AGBL1: variants seen among roughly 807,000 people sequenced by gnomAD.
AGBL1 encodes the protein AGBL carboxypeptidase 1, also known as cytosolic carboxypeptidase 4.
In AGBL1, 130 loss-of-function variants were observed where a neutral mutation model predicts 118.9. The observed-to-expected ratio is 1.09, with a 90% CI of 0.95 to 1.26. The LOEUF is 1.26. AGBL1 is among the 50% of genes most tolerant of loss of function. The probability of loss-of-function intolerance (pLI) is 0.00; values close to 1 mark genes in which losing one functional copy is unlikely to be tolerated. For synonymous variants in AGBL1, 555 were observed against 478.9 expected, an observed-to-expected ratio of 1.16 and a Z score of -2.08; for missense variants, 1,584 against 1,298.1, an observed-to-expected ratio of 1.22 and a Z score of -3.38.
Position 86,674,281 on chromosome 15 carries a change from G to A in AGBL1, c.3003G>A (p.Gln1001=). 6.2e-7 allele frequency: 1 copy of A among 1,610,552 alleles called. No individual in the cohort carries two copies. The highest frequency in any genetic ancestry group is 1.1e-5 in the South Asian group (1 of 90,344). ...CTTTGTTTAACTGGCAGGGTCTACA[G>A]TTTGGTACCAGAGAACTGGAGGAGA... The part of the protein sequence containing the change: ...GCNQGPYQGL[Q]FGTRELEEMG... Residue 1001 remains glutamine, a synonymous_variant, in exon 22 of 23, where the codon CAG becomes CAA. Coordinates refer to ENST00000614907, the MANE Select transcript of AGBL1 (RefSeq NM_001386094.1).
In AGBL1 at chr15:86,799,237, T is replaced by A. The variant is rs570131906; in HGVS notation, c.3159-107850T>A. Among the ~76,000 whole-genome samples, 143 of 152,268 alleles carry A rather than the reference T, an allele frequency of 9.4e-4. 1 individual carries two copies. The highest frequency in any genetic ancestry group is 3.2e-3 in the African/African-American group (134 of 41,554). On this transcript the variant is annotated intron_variant, in intron 22 of 22. Coordinates refer to ENST00000614907, the MANE Select transcript of AGBL1 (RefSeq NM_001386094.1). ...TACATGTGCACAATGTGCAGGTTAG[T>A]TACATATGTATACATGTGCCATGCT...
At position 86,479,233 on chromosome 15, in the gene AGBL1, A is replaced by G. The variant is rs545738794; in HGVS notation, c.2556-43577A>G. On this transcript the variant is annotated intron_variant, in intron 18 of 22. Transcript: ENST00000614907. ...CAACAAAAGCCAAAATTGACAAATG[A>G]GATCTAATTAAACTAAAGAGCTTCT... 4.5e-3 allele frequency among the ~76,000 whole-genome samples: 690 copies of G among 152,240 alleles called. 3 individuals carry two copies. The highest frequency in any genetic ancestry group is 0.016 in the African/African-American group (649 of 41,552).
At chr15:86,740,391 T>C (rs1312529196) in intron 22 of AGBL1, among the ~76,000 whole-genome samples, 1 of 152,186 alleles carries the variant, frequency 6.6e-6, no homozygotes, top group Admixed American at 6.5e-5. Context: ...AGTTCTAAGA[T>C]TCTTGACATA....
At chr15:86,566,615 G>T (rs1031422485) in intron 21 of AGBL1, among the ~76,000 whole-genome samples, 1 of 151,962 alleles carries the variant, frequency 6.6e-6, no homozygotes, top group Non-Finnish European at 1.5e-5. Flanking sequence ...AGAGAACCAT[G>T]GCTCTCACAC....
intron 24 of AGBL1, among the ~76,000 whole-genome samples, chr15:87,006,998 A>G (rs1490767088): frequency 6.6e-6 from 1 of 152,034 alleles, no homozygotes; most frequent in Non-Finnish European, 1.5e-5. Flanking sequence ...AAAGCAGGGA[A>G]AAACTAAGTC....
intron 5 of AGBL1, among the ~76,000 whole-genome samples, chr15:86,208,183 G>T (rs2078027029): frequency 6.6e-6 from 1 of 152,132 alleles, no homozygotes. Context: ...CTTGATCATG[G>T]TGGATAAGCT....
At chr15:86,447,565 G>C (rs184599201) in intron 18 of AGBL1, among the ~76,000 whole-genome samples, 13 of 152,290 alleles carry the variant, frequency 8.5e-5, no homozygotes, top group Non-Finnish European at 1.6e-4. Flanking sequence ...TCAAGATGAG[G>C]TGTGTTTTAA....
At chr15:86,584,390 A>G (rs1044457103) in intron 21 of AGBL1, among the ~76,000 whole-genome samples, 2 of 152,052 alleles carry the variant, frequency 1.3e-5, no homozygotes, top group South Asian at 2.1e-4. Flanking sequence ...GTCTAGTTTC[A>G]TTTTTCTGTA....
chr15:86,966,413 G>A (rs922613242), intron 23 of AGBL1, among the ~76,000 whole-genome samples: 3 of 151,392 alleles, frequency 2.0e-5, no homozygotes, highest in African/African-American at 4.9e-5. Flanking sequence ...CCATTTTGGT[G>A]TGCTGCACCC....
intron 19 of AGBL1, among the ~76,000 whole-genome samples, chr15:86,542,723 G>A (rs1357047969): frequency 2.0e-5 from 3 of 152,088 alleles, no homozygotes; most frequent in Admixed American, 2.0e-4. Flanking sequence ...CAGAGGCCAA[G>A]TGGTAGCACT....
intron 18 of AGBL1, among the ~76,000 whole-genome samples, chr15:86,507,622 A>G (rs2082993472): frequency 6.6e-6 from 1 of 152,102 alleles, no homozygotes; most frequent in Non-Finnish European, 1.5e-5. Flanking sequence ...AGCAGGTGAA[A>G]GGTGGGAAGA....
At chr15:86,280,261 C>G (rs2079329398) in intron 16 of AGBL1, among the ~76,000 whole-genome samples, 2 of 152,076 alleles carry the variant, frequency 1.3e-5, no homozygotes, top group South Asian at 4.1e-4. Context: ...CCAGTGGTTC[C>G]AATGACCATG....
intron 18 of AGBL1, among the ~76,000 whole-genome samples, chr15:86,410,230 T>C (rs1207286223): frequency 6.6e-6 from 1 of 152,108 alleles, no homozygotes. Context: ...CTCTCAGGGG[T>C]GCTCTGATTT....
At chr15:86,427,380 T>G (rs2081879659) in intron 18 of AGBL1, among the ~76,000 whole-genome samples, 1 of 152,206 alleles carries the variant, frequency 6.6e-6, no homozygotes, top group Non-Finnish European at 1.5e-5. Context: ...TGTCATTAAT[T>G]AGGCAATATT....
intron 16 of AGBL1, among the ~76,000 whole-genome samples, chr15:86,284,931 G>A (rs1307920701): frequency 6.6e-6 from 1 of 152,020 alleles, no homozygotes; most frequent in African/African-American, 2.4e-5. Flanking sequence ...AGTCTCTCTG[G>A]GGGTTTCTAC....
intron 21 of AGBL1, among the ~76,000 whole-genome samples, chr15:86,603,464 G>A (rs1361460928): frequency 2.0e-5 from 3 of 151,414 alleles, no homozygotes; most frequent in Admixed American, 2.0e-4. Context: ...CTGGGCACTT[G>A]GCTAAAGGTT....
At position 86,264,555 on chromosome 15, in the gene AGBL1, TC is replaced by T. The variant is rs1317508989; in HGVS notation, c.1388del (p.Pro463ArgfsTer8). 1 of 1,614,014 alleles carries T rather than the reference TC, an allele frequency of 6.2e-7. No individual in the cohort carries two copies. The highest frequency in any genetic ancestry group is 2.2e-5 in the East Asian group (1 of 44,886). ...AAGTGAAATCCCTGACATTCAGGCTTCCCCGAAAGCAGATGCCTGGGACGTA... is the reference window on the plus strand; with the variant it reads ...AAGTGAAATCCCTGACATTCAGGCTTCCCGAAAGCAGATGCCTGGGACGTA... ...SESEIPDIQA[S>X]PKADAWDVDA... On this transcript the variant is annotated frameshift_variant, in exon 11 of 23. Transcript: ENST00000614907. LOFTEE classifies it high-confidence loss of function.
chr15:87,026,406 AC>A (rs2081727105), intron 24 of AGBL1, among the ~76,000 whole-genome samples: 1 of 152,130 alleles, frequency 6.6e-6, no homozygotes, highest in Non-Finnish European at 1.5e-5. Flanking sequence ...GCTCAACATG[AC>A]TAATGATCAG....
intron 18 of AGBL1, among the ~76,000 whole-genome samples, chr15:86,499,159 A>T (rs73457636): frequency 0.062 from 9,459 of 151,944 alleles, 1,026 homozygotes; most frequent in African/African-American, 0.22. Context: ...AGAGAAACAA[A>T]GTTCTTATTT....
Sources: gnomAD v4.1 joint callset for allele counts (sites outside exome capture counted in the v4.1 genomes callset) on GRCh38, gnomAD v4.1.1 for gene constraint, MANE v1.5 for transcripts, NCBI Gene and HGNC (gene_info 2026-07-23, HGNC 2026-07-21) for gene names.